Variants in DMKN observed in about 807,000 individuals in gnomAD.
DMKN encodes dermokine, also known as epidermis-specific secreted protein SK30/SK89.
DMKN carries 58 observed loss-of-function variants against 67.6 expected under a neutral mutation model. The observed-to-expected ratio is 0.86, with a 90% CI of 0.69 to 1.07. The LOEUF (loss-of-function observed/expected upper bound fraction) is 1.07. Ranked by LOEUF, DMKN falls within the 50% of genes least tolerant of loss-of-function variation. The pLI, the probability that DMKN is intolerant of heterozygous loss-of-function variation, is 0.00. For synonymous variants in DMKN, 240 were observed against 232.3 expected (o/e 1.03, Z -0.30); for missense variants, 596 against 601.5 (o/e 0.99, Z 0.10).
In DMKN at chr19:35,499,667, A is replaced by G. The variant is rs79828460; in HGVS notation, c.1359+291T>C. Among the ~76,000 whole-genome samples, 238 of 152,150 alleles carry G rather than the reference A, an allele frequency of 1.6e-3. 5 individuals carry two copies. The East Asian group carries it at 0.034, about 22-fold the overall frequency. On this transcript the variant is annotated intron_variant, in intron 13 of 15. Transcript: ENST00000339686. The stretch of plus-strand genomic sequence containing the variant: ...GGTGTCATGATTTTTTAAAGCCTAT[A>G]TTCTTCTTGGAGAGGGTGTTGGTTC...
chr19:35,502,255 G>C, intron 10 of DMKN, 72 bp from the exon 11 acceptor site: 1 of 1,488,554 alleles, frequency 6.7e-7, no homozygotes, highest in Non-Finnish European at 9.4e-7. Flanking sequence ...GCAAATTGGG[G>C]GGATTCCAGA....
rs761297835 is a variant in DMKN, at chr19:35,513,387, C to T, written c.89G>A (p.Ser30Asn). 3 of 1,610,528 alleles carry T rather than the reference C, an allele frequency of 1.9e-6. No homozygotes were observed. Among genetic ancestry groups the T allele is most frequent in the East Asian group, 4.5e-5 (2 of 44,884 alleles). Residue 30 changes from serine (S) to asparagine (N), a missense_variant, in exon 1 of 16, where the codon AGC becomes AAC. Physicochemically the swap from Ser to Asn is conservative, Grantham distance 46. Coordinates refer to ENST00000339686, the MANE Select transcript of DMKN (RefSeq NM_033317.5). ...EAGPLQSGEE[S>N]TGTNIGEALG... ...GGCCTCCCCAATATTTGTCCCAGTG[C>T]TTTCCTCTCCGCTCTGCAGGGGGCC...
chr19:35,501,121 C>A (rs555121490), intron 11 of DMKN, among the ~76,000 whole-genome samples: 5 of 152,166 alleles, frequency 3.3e-5, no homozygotes, highest in African/African-American at 9.7e-5. Flanking sequence ...GGACACCCCC[C>A]CCAGCCCCAG....
chr19:35,510,321 G>A lies in DMKN; in HGVS notation c.919-69C>T, dbSNP rs1034661913. 16 of 1,554,634 alleles carry A rather than the reference G, an allele frequency of 1.0e-5. No individual in the cohort carries two copies. In the African/African-American group the frequency reaches 1.4e-4, roughly 13 times the overall value. On this transcript the variant is annotated intron_variant, in intron 5 of 15. Coordinates refer to ENST00000339686, the MANE Select transcript of DMKN (RefSeq NM_033317.5). Reference sequence around the variant, plus strand: ...AAAGGGGACCCAGTCGTTCCCAGCGGTGTTACAGATTTGTTGGAACCCCAA... The same window carrying A: ...AAAGGGGACCCAGTCGTTCCCAGCGATGTTACAGATTTGTTGGAACCCCAA...
At chr19:35,501,920 C>T (rs1480665583) in intron 11 of DMKN, 1 of 1,566,704 alleles carries the variant, frequency 6.4e-7, no homozygotes, top group African/African-American at 1.4e-5. Flanking sequence ...GTGGAGGCCC[C>T]AGCCCTCGGC....
Position 35,512,511 on chromosome 19 carries a change from G to A in DMKN, c.628-34C>T, listed in dbSNP as rs755570388. The A allele has an allele frequency of 4.3e-6, 7 of 1,614,174 alleles. No homozygotes were observed. The South Asian group carries it at 6.6e-5, about 15-fold the overall frequency. On this transcript the variant is annotated intron_variant, in intron 2 of 15. Coordinates refer to ENST00000339686, the MANE Select transcript of DMKN (RefSeq NM_033317.5). ...AGGGTGAGACTGAGAGTAGGATCCAGAGGGACCAGGGAGGCACGCGGAGCA... is the reference window on the plus strand; with the variant it reads ...AGGGTGAGACTGAGAGTAGGATCCAAAGGGACCAGGGAGGCACGCGGAGCA...
At position 35,497,447 on chromosome 19, in the gene DMKN, G is replaced by C. The variant is rs897222869; in HGVS notation, c.*92C>G. 2.0e-5 allele frequency: 3 copies of C among 152,238 alleles called. No homozygotes were observed. In the East Asian group the frequency reaches 5.8e-4, roughly 29 times the overall value. 9.4% of individuals were successfully genotyped at this position (152,238 alleles called of 1,614,324 possible). ...CCTAGGAAACAGAGGTGTGGCAGCC[G>C]GGCCAGGGCTGGCACAGGCTGGGGG... is the stretch of plus-strand genomic sequence containing the variant. On this transcript the variant is annotated 3_prime_UTR_variant, in exon 16 of 16. Transcript: ENST00000339686.
chr19:35,500,707 C>T, intron 11 of DMKN, 127 bp from the exon 12 acceptor site: 1 of 1,050,146 alleles, frequency 9.5e-7, no homozygotes, highest in East Asian at 2.6e-5. Flanking sequence ...GGCAGTGAGC[C>T]TGGAGGAGCT....
chr19:35,508,246 G>C (rs1182951370), intron 7 of DMKN: 6 of 1,551,986 alleles, frequency 3.9e-6, no homozygotes, highest in Non-Finnish European at 8.7e-7. Context: ...AAGCCCTGCA[G>C]GGTGAGACAA....
chr19:35,505,577 C>A, intron 9 of DMKN, 141 bp downstream of exon 9: 2 of 1,053,274 alleles, frequency 1.9e-6, no homozygotes, highest in Non-Finnish European at 2.8e-6. Flanking sequence ...CCCTCCTCCA[C>A]CCCCAGTGTG....
chr19:35,506,260 G>A (rs576775795), intron 7 of DMKN: 187 of 1,417,910 alleles, frequency 1.3e-4, no homozygotes, highest in Middle Eastern at 2.4e-4. Context: ...AACCTGCCCC[G>A]GATTGCTTCA....
In DMKN at chr19:35,512,496, TGA is replaced by T. The variant is rs2071014684; in HGVS notation, c.628-21_628-20del. On this transcript the variant is annotated intron_variant, in intron 2 of 15. Transcript: ENST00000339686. ...CAGCTCCCTGCAGAGAGGGTGAGACTGAGAGTAGGATCCAGAGGGACCAGGGA... is the reference window on the plus strand; with the variant it reads ...CAGCTCCCTGCAGAGAGGGTGAGACTGAGTAGGATCCAGAGGGACCAGGGA... 6.2e-7 allele frequency: 1 copy of T among 1,613,970 alleles called. No homozygotes were observed. Among genetic ancestry groups the T allele is most frequent in the Non-Finnish European group, 8.5e-7 (1 of 1,179,996 alleles).
At chr19:35,512,910 GA>G in intron 1 of DMKN, 120 bp from the exon 2 acceptor site, 1 of 1,502,910 alleles carries the variant, frequency 6.7e-7, no homozygotes, top group Non-Finnish European at 8.9e-7. Flanking sequence ...GGTGGCATAG[GA>G]GGGGGGCAGA....
intron 9 of DMKN, chr19:35,503,269 C>A: frequency 6.7e-7 from 1 of 1,482,142 alleles, no homozygotes; most frequent in Non-Finnish European, 9.0e-7. Context: ...CCCTGGATAA[C>A]AGCGGAGACG....
intron 13 of DMKN, 51 bp downstream of exon 13, chr19:35,499,907 A>G: frequency 6.3e-7 from 1 of 1,597,476 alleles, no homozygotes; most frequent in Non-Finnish European, 8.6e-7. Context: ...CTCTCTCCCC[A>G]TCCCTCATGC....
Position 35,502,850 on chromosome 19 carries a change from AGAG to A in DMKN, c.1168_1170del (p.Leu390del), listed in dbSNP as rs1293825246. The A allele has an allele frequency of 1.2e-6, 2 of 1,614,066 alleles. No individual in the cohort carries two copies. The highest frequency in any genetic ancestry group is 3.3e-5 in the Admixed American group (2 of 60,018). On this transcript the variant is annotated inframe_deletion, in exon 10 of 16. Transcript: ENST00000339686. ...CCTACCTCCCAGAGTCGGCTGAAGT[AGAG>A]GAGGGCTCGGGTGCTGGGGGGCGGG...
chr19:35,501,809 C>T (rs1007027305), intron 11 of DMKN: 28 of 1,558,224 alleles, frequency 1.8e-5, no homozygotes, highest in Non-Finnish European at 2.3e-5. Flanking sequence ...ACCTGTGCAC[C>T]CTGCGGTACC....
chr19:35,512,550 G>A (rs1021595666), intron 2 of DMKN, 40 bp downstream of exon 2: 1 of 1,614,014 alleles, frequency 6.2e-7, no homozygotes, highest in Non-Finnish European at 8.5e-7. Context: ...GGGCTTGGAG[G>A]GAGGGAGGTG....
intron 4 of DMKN, 54 bp from the exon 5 acceptor site, chr19:35,511,647 G>GC: frequency 6.3e-7 from 1 of 1,596,148 alleles, no homozygotes; most frequent in Non-Finnish European, 8.6e-7. Context: ...ACCAAGACGG[G>GC]CCCCTCCTCC....
Sources: allele counts gnomAD v4.1 joint callset (sites outside exome capture counted in the v4.1 genomes callset), GRCh38; gene constraint gnomAD v4.1.1; transcripts MANE v1.5; gene names NCBI Gene and HGNC (gene_info 2026-07-23, HGNC 2026-07-21).